CTNNA3: variants seen among roughly 807,000 people sequenced by gnomAD.
CTNNA3 encodes the protein catenin alpha-3.
A neutral mutation model predicts 95.7 loss-of-function variants in CTNNA3; 76 were observed. The ratio of observed to expected loss-of-function variants is 0.79; its 90% CI spans 0.66 to 0.96. CTNNA3 has a LOEUF of 0.96. CTNNA3 is among the 40% of genes least tolerant of loss of function. CTNNA3 has a pLI of 0.00. For missense variants in CTNNA3, 1,191 were observed against 1,089.8 expected (o/e 1.09, Z -1.31); for synonymous variants, 431 against 374.4 (o/e 1.15, Z -1.74).
chr10:66,141,124 T>TG (rs1181997246), intron 13 of CTNNA3, among the ~76,000 whole-genome samples: 6 of 152,020 alleles, frequency 3.9e-5, no homozygotes, highest in African/African-American at 1.4e-4. Context: ...CCTGGCATGG[T>TG]GGTGCATGCC....
At chr10:67,716,615 T>C (rs1276501369) in intron 1 of CTNNA3, among the ~76,000 whole-genome samples, 1 of 152,228 alleles carries the variant, frequency 6.6e-6, no homozygotes. Flanking sequence ...AACGATGGTT[T>C]CCAGCTTCAT....
At chr10:66,307,486 T>C (rs1399080482) in intron 12 of CTNNA3, among the ~76,000 whole-genome samples, 2 of 152,326 alleles carry the variant, frequency 1.3e-5, no homozygotes, top group East Asian at 3.9e-4. Context: ...AAATTGATAT[T>C]AGAATATGTA....
intron 9 of CTNNA3, among the ~76,000 whole-genome samples, chr10:66,690,037 G>A (rs1423612587): frequency 1.3e-5 from 2 of 152,158 alleles, no homozygotes; most frequent in Non-Finnish European, 2.9e-5. Flanking sequence ...GGACAAAGCT[G>A]ATGAGTATTA....
chr10:67,646,125 T>G (rs1267069901), intron 2 of CTNNA3, among the ~76,000 whole-genome samples: 1 of 150,674 alleles, frequency 6.6e-6, no homozygotes, highest in Admixed American at 6.6e-5. Context: ...TTTTTTAACT[T>G]TTTTTGACAT....
At chr10:67,098,109 C>A (rs1858126564) in intron 7 of CTNNA3, 1 of 322,678 alleles carries the variant, frequency 3.1e-6, no homozygotes, top group Admixed American at 4.6e-5. Flanking sequence ...ATGTATTTTT[C>A]ATATTGTAAA....
At chr10:66,275,818 C>T (rs1373254467) in intron 13 of CTNNA3, among the ~76,000 whole-genome samples, 1 of 150,822 alleles carries the variant, frequency 6.6e-6, no homozygotes, top group African/African-American at 2.4e-5. Context: ...TCTACAAGGC[C>T]ACCAAGAAAA....
intron 12 of CTNNA3, among the ~76,000 whole-genome samples, chr10:66,346,601 T>C (rs2092522868): frequency 6.6e-6 from 1 of 152,006 alleles, no homozygotes; most frequent in Non-Finnish European, 1.5e-5. Context: ...TTCATAACAA[T>C]TAAAAACACT....
intron 7 of CTNNA3, among the ~76,000 whole-genome samples, chr10:66,984,209 A>G (rs1368100801): frequency 6.6e-6 from 1 of 152,210 alleles, no homozygotes; most frequent in African/African-American, 2.4e-5. Flanking sequence ...AAATATTTCA[A>G]CGAATGATGA....
At chr10:67,677,495 A>C (rs1432792844) in intron 1 of CTNNA3, among the ~76,000 whole-genome samples, 1 of 152,140 alleles carries the variant, frequency 6.6e-6, no homozygotes, top group Non-Finnish European at 1.5e-5. Flanking sequence ...AAGGGAGCTG[A>C]AACTCACTTG....
intron 7 of CTNNA3, among the ~76,000 whole-genome samples, chr10:67,155,650 A>G (rs1861281206): frequency 1.3e-5 from 2 of 151,918 alleles, no homozygotes. Flanking sequence ...TTGTGTTATA[A>G]TTGTTTTATC....
At chr10:66,306,879 A>C (rs2091941876) in intron 12 of CTNNA3, among the ~76,000 whole-genome samples, 1 of 152,206 alleles carries the variant, frequency 6.6e-6, no homozygotes, top group Non-Finnish European at 1.5e-5. Context: ...TAAAAGTAAG[A>C]GATTTAATAA....
At chr10:67,011,670 G>T (rs80219083) in intron 7 of CTNNA3, among the ~76,000 whole-genome samples, 1 of 152,058 alleles carries the variant, frequency 6.6e-6, no homozygotes, top group Non-Finnish European at 1.5e-5. Context: ...TAATGATGAC[G>T]ATAGCAAATA....
chr10:67,509,356 G>A (rs560100172), intron 5 of CTNNA3, among the ~76,000 whole-genome samples: 248 of 152,030 alleles, frequency 1.6e-3, no homozygotes, highest in African/African-American at 5.5e-3. Context: ...TCCACCCACC[G>A]ACAGGCCTCG....
intron 13 of CTNNA3, among the ~76,000 whole-genome samples, chr10:66,277,586 A>C (rs1484274712): frequency 6.6e-6 from 1 of 152,132 alleles, no homozygotes; most frequent in African/African-American, 2.4e-5. Context: ...CTTGCACCTA[A>C]GTGAGAATTT....
intron 7 of CTNNA3, among the ~76,000 whole-genome samples, chr10:66,899,720 T>C (rs1845652504): frequency 6.6e-6 from 1 of 152,088 alleles, no homozygotes. Flanking sequence ...GCTCAGCAGG[T>C]ACCACGCCCA....
chr10:67,564,677 G>GTGTGTATATATATATATA (rs1488656262), intron 3 of CTNNA3, among the ~76,000 whole-genome samples: 1 of 61,334 alleles, frequency 1.6e-5, no homozygotes, highest in African/African-American at 6.4e-5. Context: ...GTGTGTGTGT[G>GTGTGTATATATATATATA]TATATATATA....
chr10:67,132,583 G>A (rs770213354), intron 7 of CTNNA3, among the ~76,000 whole-genome samples: 20 of 152,030 alleles, frequency 1.3e-4, no homozygotes, highest in Admixed American at 6.6e-5. Flanking sequence ...TATGGGTTAC[G>A]AATTGAGGTG....
chr10:67,388,464 G>A (rs1844295749), intron 5 of CTNNA3, among the ~76,000 whole-genome samples: 1 of 121,354 alleles, frequency 8.2e-6, no homozygotes, highest in East Asian at 2.4e-4. Context: ...GGGGAGAATG[G>A]AACCAAGTTG....
At chr10:66,152,121 T>C (rs1348132056) in intron 13 of CTNNA3, among the ~76,000 whole-genome samples, 1 of 151,866 alleles carries the variant, frequency 6.6e-6, no homozygotes, top group Non-Finnish European at 1.5e-5. Flanking sequence ...ATTCCTGCTG[T>C]AAAAAGAAGG....
Sources: allele counts gnomAD v4.1 joint callset (sites outside exome capture counted in the v4.1 genomes callset), GRCh38; gene constraint gnomAD v4.1.1; transcripts MANE v1.5; gene names NCBI Gene and HGNC (gene_info 2026-07-23, HGNC 2026-07-21).